Variants in CACNA1H observed in about 807,000 individuals in gnomAD.
CACNA1H encodes the protein calcium voltage-gated channel subunit alpha1 H, also known as voltage-dependent T-type calcium channel subunit alpha-1H.
CACNA1H carries 149 observed loss-of-function variants against 192.5 expected under a neutral mutation model. The ratio of observed to expected loss-of-function variants is 0.77; its 90% CI spans 0.68 to 0.89. The LOEUF is 0.89. CACNA1H is among the 40% of genes least tolerant of loss of function. CACNA1H has a pLI of 0.00. For synonymous variants in CACNA1H, 2,202 were observed against 1,475.2 expected, an observed-to-expected ratio of 1.49 and a Z score of -11.29; for missense variants, 4,257 against 3,423.5, an observed-to-expected ratio of 1.24 and a Z score of -6.08.
rs74615954 is a variant in CACNA1H, at chr16:1,163,741, G to T, written c.299+9705G>T. On this transcript the variant is annotated intron_variant, in intron 2 of 34. Transcript: ENST00000348261. ...GGGTACTGCCTTGGCTGGTAGCTGG[G>T]ACCACGCTTGCCCAAGCCCACTGGG... Among the ~76,000 whole-genome samples the T allele has an allele frequency of 5.0e-3, 767 of 152,356 alleles. 10 individuals carry two copies. The highest frequency in any genetic ancestry group is 0.018 in the African/African-American group (743 of 41,578).
chr16:1,208,606 G>A (rs1368267739), intron 16 of CACNA1H, among the ~76,000 whole-genome samples: 2 of 152,206 alleles, frequency 1.3e-5, no homozygotes, highest in Non-Finnish European at 2.9e-5. Flanking sequence ...GGTCCAGGGG[G>A]ACTGGAGGGG....
chr16:1,210,028 C>T lies in CACNA1H; in HGVS notation c.3745-7C>T. ...AGGCTCTGAGAAGCCGCCGCCTCAT[C>T]CCACAGAGCTGCTGCCTCCGCCTGC... On this transcript the variant is annotated splice_region_variant and splice_polypyrimidine_tract_variant and intron_variant, in intron 17 of 34. Coordinates refer to ENST00000348261, the MANE Select transcript of CACNA1H (RefSeq NM_021098.3). 2 of 1,547,550 alleles carry T rather than the reference C, an allele frequency of 1.3e-6. No homozygotes were observed. The highest frequency in any genetic ancestry group is 1.7e-6 in the Non-Finnish European group (2 of 1,146,200).
Position 1,209,140 on chromosome 16 carries a change from G to T in CACNA1H, c.3472G>T (p.Gly1158Cys). 1 of 1,553,214 alleles carries T rather than the reference G, an allele frequency of 6.4e-7. No individual in the cohort carries two copies. The highest frequency in any genetic ancestry group is 8.7e-7 in the Non-Finnish European group (1 of 1,149,570). ...CCGTGCCCCCAGCCTCAAGCGCCGCGGCCAGTGTGGGGAACGTGAGTCCCT... is the reference window on the plus strand; with the variant it reads ...CCGTGCCCCCAGCCTCAAGCGCCGCTGCCAGTGTGGGGAACGTGAGTCCCT... ...LGRAPSLKRRGQCGERESLLS... is the reference protein window; with the variant it reads ...LGRAPSLKRRCQCGERESLLS... The change falls in exon 17 of 35, where the codon GGC (glycine) becomes TGC (cysteine). Residue 1158 changes from glycine (G) to cysteine (C), a missense_variant. By Grantham distance (159) the Gly-to-Cys change is radical. Transcript: ENST00000348261.
chr16:1,155,170 C>T (rs1444945868), intron 2 of CACNA1H, among the ~76,000 whole-genome samples: 1 of 152,228 alleles, frequency 6.6e-6, no homozygotes, highest in Non-Finnish European at 1.5e-5. Flanking sequence ...TTCTCAAATC[C>T]AAACATCGAG....
chr16:1,206,469 C>A, intron 12 of CACNA1H, 180 bp downstream of exon 12: 1 of 615,468 alleles, frequency 1.6e-6, no homozygotes, highest in Non-Finnish European at 2.8e-6. Flanking sequence ...CTACTGTGTG[C>A]CACGTGTTAG....
rs968932100 is a variant in CACNA1H, at chr16:1,153,464, G to A, written c.-25G>A. 3 of 191,866 alleles carry A rather than the reference G, an allele frequency of 1.6e-5. No individual in the cohort carries two copies. Among genetic ancestry groups the A allele is most frequent in the African/African-American group, 7.1e-5 (3 of 42,108 alleles). 11.9% of individuals were successfully genotyped at this position (191,866 alleles called of 1,614,324 possible). On this transcript the variant is annotated 5_prime_UTR_variant, in exon 1 of 35. Transcript: ENST00000348261. ...CCCGCGGGGACGCCGCCGGCCAGCA[G>A]AGCGAGGTGAGACGCGGCGAGGACG...
chr16:1,203,307 GT>G (rs1232210746), intron 9 of CACNA1H, among the ~76,000 whole-genome samples: 2 of 152,188 alleles, frequency 1.3e-5, no homozygotes, highest in African/African-American at 4.8e-5. Context: ...TCGTGTTGGA[GT>G]AACCATGGTT....
intron 2 of CACNA1H, among the ~76,000 whole-genome samples, chr16:1,165,504 G>A (rs963480089): frequency 6.6e-6 from 1 of 152,056 alleles, no homozygotes; most frequent in African/African-American, 2.4e-5. Flanking sequence ...CTCACAGCCG[G>A]GGAGCTCCAG....
intron 2 of CACNA1H, among the ~76,000 whole-genome samples, chr16:1,177,781 G>A (rs1355086476): frequency 6.6e-6 from 1 of 151,912 alleles, no homozygotes; most frequent in African/African-American, 2.4e-5. Context: ...GTGGGAGGTG[G>A]AGGGGTCTCT....
Position 1,220,130 on chromosome 16 carries a change from C to T in CACNA1H, c.6198C>T (p.Ser2066=), listed in dbSNP as rs375020212. The T allele has an allele frequency of 9.8e-5, 147 of 1,495,132 alleles. 2 individuals carry two copies. In the African/African-American group the frequency reaches 1.3e-3, roughly 14 times the overall value. 92.6% of individuals were successfully genotyped at this position (1,495,132 alleles called of 1,614,324 possible). ...CACCACGCTCCCCACGGCCCGCCAGCGTCCGCACTCGTAAGCATACCTTCG... is the reference window on the plus strand; with the variant it reads ...CACCACGCTCCCCACGGCCCGCCAGTGTCCGCACTCGTAAGCATACCTTCG... ...QSPPRSPRPA[S]VRTRKHTFGQ... The change falls in exon 35 of 35, where the codon AGC becomes AGT. Residue 2066 remains serine (S), a synonymous_variant. Coordinates refer to ENST00000348261, the MANE Select transcript of CACNA1H (RefSeq NM_021098.3).
At chr16:1,219,261 C>T (rs866763240) in intron 34 of CACNA1H, 131 bp downstream of exon 34, 11 of 883,404 alleles carry the variant, frequency 1.2e-5, no homozygotes, top group South Asian at 5.9e-5. Context: ...CTTGGGGCTC[C>T]GAAGGTTTCT....
intron 12 of CACNA1H, 106 bp from the exon 13 acceptor site, chr16:1,206,895 G>A (rs1165531726): frequency 7.7e-6 from 4 of 517,712 alleles, no homozygotes; most frequent in Non-Finnish European, 1.4e-5. Context: ...GACGGGCAGA[G>A]CCAGTCCTGC....
chr16:1,154,549 C>T (rs888770074), intron 2 of CACNA1H, among the ~76,000 whole-genome samples: 2 of 152,034 alleles, frequency 1.3e-5, no homozygotes, highest in Admixed American at 6.5e-5. Context: ...CCTGTGAGCG[C>T]CGCCAGGGCC....
rs1234628931 is a variant in CACNA1H, at chr16:1,211,731, T to C, written c.4492T>C (p.Phe1498Leu). Residue 1498 changes from phenylalanine to leucine, a missense_variant, in exon 24 of 35, where the codon TTC becomes CTC. Physicochemically the swap from Phe to Leu is conservative, Grantham distance 22. Coordinates refer to ENST00000348261, the MANE Select transcript of CACNA1H (RefSeq NM_021098.3). ...DNLGQALMSLFVLSSKDGWVN... is the reference protein window; with the variant it reads ...DNLGQALMSLLVLSSKDGWVN... ...TGGCCCTCAGGCCCTGATGTCGCTG[T>C]TCGTGCTGTCATCCAAGGATGGATG... is the stretch of plus-strand genomic sequence containing the variant. The C allele has an allele frequency of 6.2e-7, 1 of 1,612,624 alleles. No individual in the cohort carries two copies. Among genetic ancestry groups the C allele is most frequent in the Admixed American group, 1.7e-5 (1 of 60,032 alleles).
At position 1,206,521 on chromosome 16, in the gene CACNA1H, C is replaced by T. The variant is rs1443486407; in HGVS notation, c.2789+232C>T. On this transcript the variant is annotated intron_variant, in intron 12 of 34. Transcript: ENST00000348261. Reference sequence around the variant, plus strand: ...ATGGCAGGGGTCAGAGATGGGCCGCCAGGTGGACAAGCTGGGGATTTACTC... The same window carrying T: ...ATGGCAGGGGTCAGAGATGGGCCGCTAGGTGGACAAGCTGGGGATTTACTC... 1.8e-5 allele frequency: 10 copies of T among 553,976 alleles called. No homozygotes were observed. The African/African-American group carries it at 1.9e-4, about 11-fold the overall frequency. The allele number at this position is 553,976 out of a possible 1,614,324, so 34.3% of individuals were successfully genotyped here. A position where few individuals can be genotyped will look rare whatever the true frequency, so the allele number is the denominator to read the frequency against.
intron 2 of CACNA1H, among the ~76,000 whole-genome samples, chr16:1,178,279 GC>G (rs1965114080): frequency 2.4e-5 from 1 of 41,126 alleles, no homozygotes; most frequent in Non-Finnish European, 5.1e-5. Flanking sequence ...GGTCCCTCCC[GC>G]CCCCTCTTTC....
chr16:1,181,365 C>T (rs1965447109), intron 2 of CACNA1H, among the ~76,000 whole-genome samples: 1 of 152,274 alleles, frequency 6.6e-6, no homozygotes, highest in African/African-American at 2.4e-5. Context: ...AGCTGCCGAG[C>T]CCCCGGCAAC....
chr16:1,189,937 C>T (rs1052977235), intron 2 of CACNA1H, among the ~76,000 whole-genome samples: 3 of 152,228 alleles, frequency 2.0e-5, no homozygotes, highest in African/African-American at 7.2e-5. Context: ...AGGCCAGACT[C>T]CAGGGGCTGG....
At position 1,167,293 on chromosome 16, in the gene CACNA1H, G is replaced by A. The variant is rs913573959; in HGVS notation, c.299+13257G>A. 8.6e-5 allele frequency among the ~76,000 whole-genome samples: 13 copies of A among 152,044 alleles called. No homozygotes were observed. In the South Asian group the frequency reaches 1.0e-3, roughly 12 times the overall value. On this transcript the variant is annotated intron_variant, in intron 2 of 34. Coordinates refer to ENST00000348261, the MANE Select transcript of CACNA1H (RefSeq NM_021098.3). This position sits in a 1 kb window ranked among gnomAD's most constrained non-coding sequence, Gnocchi z 4.2. ...TGGGTGGGGCTTGCCGGCCGCCCGC[G>A]AATGTCAGGAACCTTGGATTCCTGA...
Sources: gnomAD v4.1 joint callset for allele counts (sites outside exome capture counted in the v4.1 genomes callset) on GRCh38, gnomAD v4.1.1 for gene constraint, Gnocchi (gnomAD v3.1) non-coding constraint, MANE v1.5 for transcripts, NCBI Gene and HGNC (gene_info 2026-07-23, HGNC 2026-07-21) for gene names.